The following SLC44A5 variants were observed in gnomAD, a reference collection of about 807,000 sequenced individuals.
SLC44A5 encodes choline transporter-like protein 5.
Under a neutral mutation model 101.8 loss-of-function variants are expected in SLC44A5, and 57 were observed. That is an observed-to-expected ratio of 0.56 (90% confidence interval 0.45 to 0.70). The LOEUF (loss-of-function observed/expected upper bound fraction) is 0.70. Among genes scored for constraint, SLC44A5 ranks in the 30% least tolerant of loss-of-function variants. SLC44A5 has a pLI of 0.00. For synonymous variants in SLC44A5, 281 were observed against 290.9 expected (o/e 0.97, Z 0.35); for missense variants, 737 against 853.1 (o/e 0.86, Z 1.70).
intron 1 of SLC44A5, among the ~76,000 whole-genome samples, chr1:75,579,570 T>A (rs1046772930): frequency 1.3e-5 from 2 of 152,232 alleles, no homozygotes; most frequent in Non-Finnish European, 2.9e-5. Context: ...CTTTTCAGTA[T>A]GAATTCTAAA....
At chr1:75,545,826 T>C (rs1671617115) in intron 1 of SLC44A5, among the ~76,000 whole-genome samples, 1 of 574 alleles carries the variant, frequency 1.7e-3, no homozygotes, top group Admixed American at 8.9e-3. Context: ...TTTCTTTTCT[T>C]TTTTTTTTTT....
At chr1:75,534,048 CA>C (rs1171796480) in intron 2 of SLC44A5, among the ~76,000 whole-genome samples, 1 of 152,108 alleles carries the variant, frequency 6.6e-6, no homozygotes, top group Non-Finnish European at 1.5e-5. Flanking sequence ...GTCCTCCTGC[CA>C]ACTGGATCTG....
At chr1:75,257,466 C>G (rs180729347) in intron 6 of SLC44A5, among the ~76,000 whole-genome samples, 25 of 152,190 alleles carry the variant, frequency 1.6e-4, no homozygotes, top group Admixed American at 1.6e-3. Context: ...GAACAGGAAA[C>G]AGCTAAGGCA....
At chr1:75,606,901 C>A (rs180834244) in intron 1 of SLC44A5, among the ~76,000 whole-genome samples, 2 of 152,086 alleles carry the variant, frequency 1.3e-5, no homozygotes, top group Non-Finnish European at 2.9e-5. Flanking sequence ...ACTGACTCCT[C>A]CCCTTCTCAC....
upstream of SLC44A5, among the ~76,000 whole-genome samples, chr1:75,611,742 T>C (rs1020409545): frequency 2.0e-5 from 3 of 152,158 alleles, no homozygotes; most frequent in African/African-American, 4.8e-5. Flanking sequence ...AGAATGTTTC[T>C]CTTGGAACAT....
chr1:75,707,480 T>C, the SLC44A5 span, among the ~76,000 whole-genome samples: 1 of 152,200 alleles, frequency 6.6e-6, no homozygotes, highest in Non-Finnish European at 1.5e-5. Context: ...CCACACTCCC[T>C]TGTACCTACT....
chr1:75,559,866 C>T (rs191146305), intron 1 of SLC44A5, among the ~76,000 whole-genome samples: 14 of 152,176 alleles, frequency 9.2e-5, no homozygotes, highest in Admixed American at 8.5e-4. Context: ...CCAAGTAAAA[C>T]ATGGGCAAAG....
In SLC44A5 at chr1:75,475,883, A is replaced by G. The variant is rs1489622829; in HGVS notation, c.13+65552T>C. ...TTTCTTCATCTGTAAAATGGAGATA[A>G]AAACAACATATATCTCAGTGGCTGG... On this transcript the variant is annotated intron_variant, in intron 2 of 23. Coordinates refer to ENST00000370859, the MANE Select transcript of SLC44A5 (RefSeq NM_001130058.2). Among the ~76,000 whole-genome samples, 5 of 152,336 alleles carry G rather than the reference A, an allele frequency of 3.3e-5. No individual in the cohort carries two copies. In the East Asian group the frequency reaches 9.6e-4, roughly 29 times the overall value.
chr1:75,613,958 T>C (rs1264815118), upstream of SLC44A5, among the ~76,000 whole-genome samples: 1 of 152,244 alleles, frequency 6.6e-6, no homozygotes, highest in East Asian at 1.9e-4. Flanking sequence ...ATTTCAAGGG[T>C]AAGATTTTCT....
chr1:75,232,136 T>C (rs1415462), intron 12 of SLC44A5, among the ~76,000 whole-genome samples: 42,623 of 151,748 alleles, frequency 0.28, 6,244 homozygotes, highest in Middle Eastern at 0.36. Flanking sequence ...GCTTACTTCC[T>C]ACACCATTAA....
At chr1:75,489,412 T>C (rs867225849) in intron 2 of SLC44A5, among the ~76,000 whole-genome samples, 1 of 152,334 alleles carries the variant, frequency 6.6e-6, no homozygotes, top group African/African-American at 2.4e-5. Flanking sequence ...AGCTCTCAGA[T>C]ATTCTGTCTT....
chr1:75,290,974 G>A (rs1261955326), intron 5 of SLC44A5, among the ~76,000 whole-genome samples: 1 of 152,194 alleles, frequency 6.6e-6, no homozygotes, highest in East Asian at 1.9e-4. Context: ...AGAGTAGGAT[G>A]TAAAAGATGG....
intron 19 of SLC44A5, among the ~76,000 whole-genome samples, chr1:75,215,038 A>G (rs1646934068): frequency 6.6e-6 from 1 of 152,158 alleles, no homozygotes; most frequent in Admixed American, 6.6e-5. Flanking sequence ...TACATAAAAA[A>G]TTACTCTTAA....
At chr1:75,620,733 C>T in the SLC44A5 span, among the ~76,000 whole-genome samples, 1 of 152,062 alleles carries the variant, frequency 6.6e-6, no homozygotes, top group Non-Finnish European at 1.5e-5. Flanking sequence ...GATATTAGCC[C>T]TTTGTCAGAT....
intron 5 of SLC44A5, among the ~76,000 whole-genome samples, chr1:75,290,725 A>C (rs1441451092): frequency 6.6e-6 from 1 of 152,212 alleles, no homozygotes; most frequent in Non-Finnish European, 1.5e-5. Context: ...GAGCAGGATG[A>C]GGAGAATAAG....
chr1:75,205,921 T>C (rs1041802682), intron 23 of SLC44A5: 1 of 152,190 alleles, frequency 6.6e-6, no homozygotes, highest in Non-Finnish European at 1.5e-5. Context: ...TTCATGTTGT[T>C]GGAAATGACA....
chr1:75,720,990 G>A, the SLC44A5 span, among the ~76,000 whole-genome samples: 2 of 152,164 alleles, frequency 1.3e-5, no homozygotes, highest in African/African-American at 4.8e-5. Context: ...TTAAAGGATT[G>A]TGGAGACCAA....
At chr1:75,643,647 T>C in the SLC44A5 span, among the ~76,000 whole-genome samples, 1 of 152,190 alleles carries the variant, frequency 6.6e-6, no homozygotes, top group African/African-American at 2.4e-5. Context: ...CATGCTGTTC[T>C]CAGGATAGTA....
Position 75,261,062 on chromosome 1 carries a change from A to G in SLC44A5, c.261-9768T>C, listed in dbSNP as rs1650459928. On this transcript the variant is annotated intron_variant, in intron 6 of 23. Coordinates refer to ENST00000370859, the MANE Select transcript of SLC44A5 (RefSeq NM_001130058.2). ...ACATTTATAGCACCAAATGCCCACA[A>G]GATAAAGCAGGAAAGATCTAAAATC... Among the ~76,000 whole-genome samples, 5 of 152,144 alleles carry G rather than the reference A, an allele frequency of 3.3e-5. No individual in the cohort carries two copies. The South Asian group carries it at 1.0e-3, about 31-fold the overall frequency.
Sources: gnomAD v4.1 joint callset for allele counts (sites outside exome capture counted in the v4.1 genomes callset) on GRCh38, gnomAD v4.1.1 for gene constraint, MANE v1.5 for transcripts, NCBI Gene and HGNC (gene_info 2026-07-23, HGNC 2026-07-21) for gene names.